The following CTNNA3 variants were observed in gnomAD, a reference collection of about 807,000 sequenced individuals.
The protein encoded by CTNNA3 is catenin alpha-3.
Under a neutral mutation model 95.7 loss-of-function variants are expected in CTNNA3, and 76 were observed. That is an observed-to-expected ratio of 0.79 (90% CI 0.66 to 0.96). The LOEUF (loss-of-function observed/expected upper bound fraction) is 0.96, where lower values mean the gene tolerates loss of function less well. Among genes scored for constraint, CTNNA3 ranks in the 40% least tolerant of loss-of-function variants. The pLI, the probability that CTNNA3 is intolerant of heterozygous loss-of-function variation, is 0.00. For synonymous variants in CTNNA3, 431 were observed against 374.4 expected (o/e 1.15, Z -1.74); for missense variants, 1,191 against 1,089.8 (o/e 1.09, Z -1.31).
intron 10 of CTNNA3, among the ~76,000 whole-genome samples, chr10:66,551,528 C>G (rs1475551173): frequency 6.6e-6 from 1 of 152,094 alleles, no homozygotes; most frequent in Non-Finnish European, 1.5e-5. Flanking sequence ...TTTAAGACCA[C>G]TGTTTCCTCA....
chr10:67,758,584 T>C (rs1296165588), intron 1 of CTNNA3, among the ~76,000 whole-genome samples: 1 of 152,072 alleles, frequency 6.6e-6, no homozygotes, highest in African/African-American at 2.4e-5. Flanking sequence ...ACATTGATCA[T>C]AGCTGTATTT....
chr10:66,128,951 TA>T (rs1172748697), intron 13 of CTNNA3, among the ~76,000 whole-genome samples: 11 of 143,870 alleles, frequency 7.6e-5, no homozygotes, highest in Non-Finnish European at 1.1e-4. Flanking sequence ...ATAGTCTGTT[TA>T]AAAAAAAAAC....
intron 7 of CTNNA3, among the ~76,000 whole-genome samples, chr10:67,157,679 C>T (rs561054130): frequency 5.3e-5 from 8 of 152,180 alleles, no homozygotes; most frequent in East Asian, 1.9e-4. Context: ...CAATTAGCCG[C>T]GCATGTAGCC....
intron 3 of CTNNA3, among the ~76,000 whole-genome samples, chr10:67,551,006 G>A (rs1328657825): frequency 6.6e-6 from 1 of 152,072 alleles, no homozygotes; most frequent in Non-Finnish European, 1.5e-5. Context: ...GGTTCCTGGC[G>A]AGGGCTCCAC....
intron 7 of CTNNA3, among the ~76,000 whole-genome samples, chr10:67,042,876 T>G (rs529151951): frequency 1.3e-5 from 2 of 152,236 alleles, no homozygotes; most frequent in South Asian, 4.1e-4. Flanking sequence ...TAAAGGGCAA[T>G]AGACCAGAGG....
chr10:66,482,233 C>G (rs1839563699), intron 11 of CTNNA3, among the ~76,000 whole-genome samples: 1 of 152,102 alleles, frequency 6.6e-6, no homozygotes, highest in Non-Finnish European at 1.5e-5. Flanking sequence ...AACAAGTATT[C>G]ATTGTTTTTG....
intron 7 of CTNNA3, among the ~76,000 whole-genome samples, chr10:66,782,104 A>G (rs533875779): frequency 5.3e-4 from 80 of 152,280 alleles, no homozygotes; most frequent in Admixed American, 1.3e-3. Flanking sequence ...AATCAGCTCC[A>G]TCACCTGACA....
At chr10:67,675,517 AT>A (rs1840519547) in intron 1 of CTNNA3, among the ~76,000 whole-genome samples, 1 of 152,168 alleles carries the variant, frequency 6.6e-6, no homozygotes, top group African/African-American at 2.4e-5. Flanking sequence ...AAATGGAAAC[AT>A]TGAGTACCTC....
intron 12 of CTNNA3, among the ~76,000 whole-genome samples, chr10:66,324,530 G>A (rs982737162): frequency 6.6e-6 from 1 of 152,086 alleles, no homozygotes; most frequent in Non-Finnish European, 1.5e-5. Context: ...GTAACACTGG[G>A]GTTGCAGGCA....
chr10:66,560,468 T>C (rs967121084), intron 10 of CTNNA3, among the ~76,000 whole-genome samples: 2 of 151,966 alleles, frequency 1.3e-5, no homozygotes, highest in African/African-American at 4.8e-5. Flanking sequence ...TATCTTGCAA[T>C]GTATGGTTAT....
chr10:67,695,402 A>T (rs1232884976), intron 1 of CTNNA3, among the ~76,000 whole-genome samples: 6 of 152,316 alleles, frequency 3.9e-5, no homozygotes, highest in Non-Finnish European at 4.4e-5. Flanking sequence ...TCTTTACATG[A>T]TTGATCATTA....
chr10:66,099,392 T>A (rs2081526501), intron 14 of CTNNA3, among the ~76,000 whole-genome samples: 2 of 152,152 alleles, frequency 1.3e-5, no homozygotes, highest in South Asian at 4.1e-4. Flanking sequence ...ATGTCTCAGA[T>A]GGATAAGAGA....
chr10:67,752,004 G>C (rs1269018414), intron 1 of CTNNA3, among the ~76,000 whole-genome samples: 1 of 152,026 alleles, frequency 6.6e-6, no homozygotes, highest in African/African-American at 2.4e-5. Context: ...ACCAAAACCT[G>C]GCACAGACAC....
chr10:67,701,845 G>A (rs934974877), intron 1 of CTNNA3, among the ~76,000 whole-genome samples: 54 of 152,194 alleles, frequency 3.5e-4, no homozygotes, highest in African/African-American at 1.2e-3. Flanking sequence ...TGGATAAAGA[G>A]TCAAGACCCA....
At chr10:66,609,601 A>C (rs1844256032) in intron 10 of CTNNA3, among the ~76,000 whole-genome samples, 1 of 151,934 alleles carries the variant, frequency 6.6e-6, no homozygotes, top group Admixed American at 6.6e-5. Context: ...TCAAAAAATA[A>C]CAGATGCTAG....
intron 7 of CTNNA3, among the ~76,000 whole-genome samples, chr10:67,037,369 A>T (rs972758321): frequency 1.6e-5 from 2 of 126,664 alleles, no homozygotes; most frequent in African/African-American, 6.2e-5. Flanking sequence ...ATGGAAATCT[A>T]AAAAAAAAAA....
At chr10:67,219,585 C>A (rs4745933) in intron 6 of CTNNA3, 22 bp downstream of exon 6, 6 of 1,602,760 alleles carry the variant, frequency 3.7e-6, no homozygotes, top group South Asian at 1.1e-5. Context: ...TCAGATCACA[C>A]TTTATCTTTC....
chr10:67,548,155 A>C (rs570421714), intron 3 of CTNNA3, among the ~76,000 whole-genome samples: 1 of 152,158 alleles, frequency 6.6e-6, no homozygotes, highest in African/African-American at 2.4e-5. Context: ...AGTTCCCATG[A>C]GATCTAGTTG....
At chr10:67,077,952 A>G (rs563363177) in intron 7 of CTNNA3, among the ~76,000 whole-genome samples, 84 of 152,296 alleles carry the variant, frequency 5.5e-4, no homozygotes, top group African/African-American at 1.8e-3. Flanking sequence ...GATTTACAAC[A>G]CAAATCTCAC....
Sources: allele counts gnomAD v4.1 joint callset (sites outside exome capture counted in the v4.1 genomes callset), GRCh38; gene constraint gnomAD v4.1.1; transcripts MANE v1.5; gene names NCBI Gene and HGNC (gene_info 2026-07-23, HGNC 2026-07-21).